KLHL13: variants seen among roughly 807,000 people sequenced by gnomAD.
The protein encoded by KLHL13 is kelch-like protein 13.
KLHL13 carries 10 observed loss-of-function variants against 37.1 expected under a neutral mutation model. The ratio of observed to expected loss-of-function variants is 0.27; its 90% CI spans 0.17 to 0.46. The LOEUF (loss-of-function observed/expected upper bound fraction) is 0.46. Among genes scored for constraint, KLHL13 ranks in the 20% least tolerant of loss-of-function variants. KLHL13 has a pLI of 1.00. For missense variants in KLHL13, 360 were observed against 509.3 expected (o/e 0.71, Z 2.82); for synonymous variants, 163 against 181.2 (o/e 0.90, Z 0.81).
intron 1 of KLHL13, among the ~76,000 whole-genome samples, chrX:118,015,319 C>T (rs1346811577): frequency 9.0e-6 from 1 of 111,463 alleles, no homozygotes; most frequent in Non-Finnish European, 1.9e-5. Context: ...TGATTATTTA[C>T]CCTGCATATA....
At chrX:117,992,274 C>A (rs1195446359) in intron 1 of KLHL13, among the ~76,000 whole-genome samples, 4 of 104,054 alleles carry the variant, frequency 3.8e-5, no homozygotes, top group South Asian at 4.3e-4. Flanking sequence ...CATAGGAGAA[C>A]AACAAATCTC....
At chrX:118,063,855 AAGAG>A (rs2054768246) in intron 1 of KLHL13, among the ~76,000 whole-genome samples, 1 of 111,945 alleles carries the variant, frequency 8.9e-6, no homozygotes, top group African/African-American at 3.2e-5. Flanking sequence ...ACTACTTACA[AAGAG>A]AGCACAGTCT....
intron 1 of KLHL13, among the ~76,000 whole-genome samples, chrX:117,966,403 T>C (rs760097986): frequency 1.6e-4 from 18 of 110,312 alleles, no homozygotes; most frequent in African/African-American, 5.3e-4. Flanking sequence ...CTCAAGGAAA[T>C]AAAAGAGGAT....
intron 1 of KLHL13, among the ~76,000 whole-genome samples, chrX:118,008,956 T>A (rs1276167779): frequency 9.0e-6 from 1 of 111,682 alleles, no homozygotes; most frequent in Non-Finnish European, 1.9e-5. Context: ...GCTATTTAAG[T>A]GTTAGCTATT....
At chrX:118,004,836 A>G (rs1007992702) in intron 1 of KLHL13, among the ~76,000 whole-genome samples, 2 of 111,622 alleles carry the variant, frequency 1.8e-5, no homozygotes, top group African/African-American at 6.5e-5. Flanking sequence ...ACCTGATAGG[A>G]TGCAATGAGA....
At chrX:118,090,828 C>T (rs1336738847) in intron 1 of KLHL13, among the ~76,000 whole-genome samples, 1 of 109,510 alleles carries the variant, frequency 9.1e-6, no homozygotes, top group Non-Finnish European at 1.9e-5. Context: ...CACATGCACA[C>T]GTATGTTTAT....
At chrX:117,993,706 AG>A (rs2053820106) in intron 1 of KLHL13, among the ~76,000 whole-genome samples, 1 of 109,522 alleles carries the variant, frequency 9.1e-6, no homozygotes, top group Non-Finnish European at 1.9e-5. Context: ...AAAGGACCAC[AG>A]TATATGAAAC....
chrX:118,042,793 A>T (rs1381039965), intron 1 of KLHL13, among the ~76,000 whole-genome samples: 1 of 111,532 alleles, frequency 9.0e-6, no homozygotes, highest in East Asian at 2.8e-4. Flanking sequence ...CATCAAAAAG[A>T]TATAAAATTC....
At chrX:117,967,198 T>C (rs1000128829) in intron 1 of KLHL13, among the ~76,000 whole-genome samples, 3 of 111,791 alleles carry the variant, frequency 2.7e-5, no homozygotes, top group Non-Finnish European at 5.6e-5. Flanking sequence ...GAGCATTTTC[T>C]AAAATGAATT....
At chrX:117,942,677 G>A (rs778307157) in intron 2 of KLHL13, among the ~76,000 whole-genome samples, 1 of 110,776 alleles carries the variant, frequency 9.0e-6, no homozygotes, top group Non-Finnish European at 1.9e-5. Flanking sequence ...TTTTCCATTT[G>A]CTTGGTAAAT....
rs2054464332 is a variant in KLHL13, at chrX:118,037,628, A to G, written c.-56+78880T>C. Among the ~76,000 whole-genome samples, 4 of 110,965 alleles carry G rather than the reference A, an allele frequency of 3.6e-5. No homozygotes were observed. The South Asian group carries it at 1.5e-3, about 43-fold the overall frequency. ...GGAAGGGGGGAGGGATAGCATTGGG[A>G]GATACACCTAATGCTAGATGACGAG... On this transcript the variant is annotated intron_variant, in intron 1 of 6. Coordinates refer to the KLHL13 transcript ENST00000371882.
intron 1 of KLHL13, among the ~76,000 whole-genome samples, chrX:117,955,053 C>T (rs906759979): frequency 2.8e-4 from 31 of 111,879 alleles, no homozygotes; most frequent in African/African-American, 1.0e-3. Context: ...AATCAAAAAG[C>T]ACGTTAAGAA....
chrX:117,970,313 A>G (rs919436819), intron 1 of KLHL13, among the ~76,000 whole-genome samples: 2 of 112,018 alleles, frequency 1.8e-5, no homozygotes, highest in Non-Finnish European at 3.8e-5. Flanking sequence ...AAAAGATCTT[A>G]TATCACCTAT....
chrX:117,901,785 T>C (rs772781205), intron 6 of KLHL13, 48 bp downstream of exon 7: 6 of 610,954 alleles, frequency 9.8e-6, no homozygotes, highest in Non-Finnish European at 1.6e-5. Flanking sequence ...GATAACCATA[T>C]AGTTAAAAGC....
chrX:117,983,606 T>C (rs1435096657), intron 1 of KLHL13: 2 of 783,717 alleles, frequency 2.6e-6, no homozygotes, highest in Non-Finnish European at 3.7e-6. Flanking sequence ...TTAGTTCAAA[T>C]TTTTCAAAGC....
chrX:118,038,970 G>A (rs922363659), intron 1 of KLHL13, among the ~76,000 whole-genome samples: 3 of 112,136 alleles, frequency 2.7e-5, no homozygotes, highest in Non-Finnish European at 5.6e-5. Context: ...ACCTACAGTA[G>A]GCTAGGACAG....
At chrX:117,910,139 T>C (rs778059737) in intron 4 of KLHL13, 43 bp from the exon 6 acceptor site, 1 of 961,165 alleles carries the variant, frequency 1.0e-6, no homozygotes, top group Admixed American at 3.0e-5. Flanking sequence ...ACTACTTTCA[T>C]GGCAATCACA....
At chrX:118,045,247 G>A (rs914889506) in intron 1 of KLHL13, among the ~76,000 whole-genome samples, 38 of 108,731 alleles carry the variant, frequency 3.5e-4, no homozygotes, top group African/African-American at 9.0e-4. Context: ...GGTGGCAGGC[G>A]CCTGTAGTCT....
exon 1 of KLHL13, chrX:117,972,922 G>A: frequency 8.9e-7 from 1 of 1,123,630 alleles, no homozygotes; most frequent in Non-Finnish European, 1.2e-6. Flanking sequence ...ACACAGCAGT[G>A]GCTGCCGCGG....
Sources: gnomAD v4.1 joint callset for allele counts (sites outside exome capture counted in the v4.1 genomes callset) on GRCh38, gnomAD v4.1.1 for gene constraint, MANE v1.5 for transcripts, NCBI Gene and HGNC (gene_info 2026-07-23, HGNC 2026-07-21) for gene names.